The following TMEM272 variants were observed in gnomAD, a reference collection of about 807,000 sequenced individuals.
TMEM272 encodes transmembrane protein 272, also known as long intergenic non-protein coding RNA 282.
A neutral mutation model predicts 3.7 loss-of-function variants in TMEM272; 8 were observed. The observed-to-expected ratio is 2.17, with a 90% CI of 1.27 to 3.91. The LOEUF (loss-of-function observed/expected upper bound fraction) is 3.91, where lower values mean the gene tolerates loss of function less well. TMEM272 is among the 30% of genes most tolerant of loss of function. The pLI is 0.00. For missense variants in TMEM272, 166 were observed against 91.5 expected (o/e 1.81, Z -3.32); for synonymous variants, 63 against 39.8 (o/e 1.58, Z -2.20).
chr13:51,851,793 G>A, the TMEM272 span, among the ~76,000 whole-genome samples: 6 of 152,174 alleles, frequency 3.9e-5, no homozygotes, highest in Non-Finnish European at 8.8e-5. Context: ...AAAGTGCTGG[G>A]ATTACAGGCG....
the TMEM272 span, chr13:51,921,243 G>C: frequency 6.6e-6 from 1 of 152,254 alleles, no homozygotes; most frequent in Admixed American, 6.5e-5. Context: ...ACCTGGTGCA[G>C]AGCAGACGTT....
the TMEM272 span, among the ~76,000 whole-genome samples, chr13:51,928,771 G>T: frequency 1.3e-5 from 2 of 152,224 alleles, no homozygotes; most frequent in Non-Finnish European, 2.9e-5. Flanking sequence ...GCTGAAGACA[G>T]ATTTCTGTCC....
chr13:51,899,732 T>C, the TMEM272 span, among the ~76,000 whole-genome samples: 1 of 152,214 alleles, frequency 6.6e-6, no homozygotes, highest in African/African-American at 2.4e-5. Context: ...AGTTTCTCTA[T>C]TTCAGATCTT....
At chr13:51,915,172 GC>G in the TMEM272 span, among the ~76,000 whole-genome samples, 1 of 152,104 alleles carries the variant, frequency 6.6e-6, no homozygotes, top group Non-Finnish European at 1.5e-5. Flanking sequence ...GTGCTTTGGG[GC>G]TCTGATTGAC....
At chr13:51,917,142 G>A in the TMEM272 span, among the ~76,000 whole-genome samples, 1 of 152,182 alleles carries the variant, frequency 6.6e-6, no homozygotes, top group Non-Finnish European at 1.5e-5. Flanking sequence ...GTCCCACACT[G>A]CACCTGCAAA....
chr13:51,885,760 CT>C, the TMEM272 span, among the ~76,000 whole-genome samples: 7 of 152,192 alleles, frequency 4.6e-5, no homozygotes, highest in African/African-American at 1.7e-4. Flanking sequence ...AGGCACTTCC[CT>C]TTGTATATAG....
chr13:51,928,424 T>C, the TMEM272 span, among the ~76,000 whole-genome samples: 1 of 152,224 alleles, frequency 6.6e-6, no homozygotes, highest in African/African-American at 2.4e-5. Context: ...CTCATGGCAG[T>C]GCTGTGAGAC....
chr13:51,894,507 C>T, the TMEM272 span, among the ~76,000 whole-genome samples: 2 of 152,104 alleles, frequency 1.3e-5, no homozygotes, highest in African/African-American at 4.8e-5. Flanking sequence ...GGGGATGAGG[C>T]GATGGTGGTT....
the TMEM272 span, among the ~76,000 whole-genome samples, chr13:51,897,362 A>ATTTTTTTTTTTT: frequency 9.3e-4 from 77 of 82,442 alleles, 2 homozygotes; most frequent in Middle Eastern, 0.011. Context: ...TGTCTGGCTA[A>ATTTTTTTTTTTT]TTTTTTTTTT....
At chr13:51,899,866 T>C in the TMEM272 span, among the ~76,000 whole-genome samples, 31 of 152,320 alleles carry the variant, frequency 2.0e-4, no homozygotes, top group Admixed American at 1.0e-3. Context: ...TTATGGACAA[T>C]TGATTTAGAC....
chr13:51,865,536 A>G, the TMEM272 span: 1 of 1,614,250 alleles, frequency 6.2e-7, no homozygotes, highest in East Asian at 2.2e-5. Flanking sequence ...GCTTTTCGCG[A>G]AGAGATGAAA....
the TMEM272 span, among the ~76,000 whole-genome samples, chr13:51,883,261 G>A: frequency 1.3e-5 from 2 of 152,216 alleles, no homozygotes; most frequent in African/African-American, 4.8e-5. Context: ...CAGCTCTCTT[G>A]TTCTCAACTG....
the TMEM272 span, among the ~76,000 whole-genome samples, chr13:51,916,803 C>A: frequency 1.3e-5 from 2 of 152,182 alleles, no homozygotes; most frequent in Admixed American, 1.3e-4. Context: ...CACACTCTTT[C>A]CCCCTTCAAT....
chr13:51,917,405 C>T, the TMEM272 span, among the ~76,000 whole-genome samples: 1 of 152,218 alleles, frequency 6.6e-6, no homozygotes, highest in African/African-American at 2.4e-5. Context: ...GCAGGAATTC[C>T]AGAGGAAATA....
At chr13:51,919,031 C>G in the TMEM272 span, among the ~76,000 whole-genome samples, 4 of 151,926 alleles carry the variant, frequency 2.6e-5, no homozygotes, top group Admixed American at 2.6e-4. Context: ...ACCTCCTATT[C>G]CCATCTTTTC....
the TMEM272 span, among the ~76,000 whole-genome samples, chr13:51,914,118 A>C: frequency 6.6e-6 from 1 of 152,246 alleles, no homozygotes; most frequent in South Asian, 2.1e-4. Context: ...TTGAGAAAAA[A>C]GGAAGCTGAG....
chr13:51,912,305 C>T, the TMEM272 span, among the ~76,000 whole-genome samples: 1 of 152,148 alleles, frequency 6.6e-6, no homozygotes, highest in Non-Finnish European at 1.5e-5. Flanking sequence ...GACCTGTTTC[C>T]CATTCACGCT....
the TMEM272 span, among the ~76,000 whole-genome samples, chr13:51,885,493 G>A: frequency 1.3e-5 from 2 of 152,092 alleles, no homozygotes; most frequent in Non-Finnish European, 2.9e-5. Context: ...GAAGAGCATG[G>A]GGTAAACTGC....
intron 2 of TMEM272, among the ~76,000 whole-genome samples, chr13:51,829,582 G>A (rs1226058704): frequency 6.6e-6 from 1 of 152,108 alleles, no homozygotes; most frequent in Admixed American, 6.5e-5. Flanking sequence ...TCAAGGGGTC[G>A]ATGAATCCTA....
Sources: gnomAD v4.1 joint callset for allele counts (sites outside exome capture counted in the v4.1 genomes callset) on GRCh38, gnomAD v4.1.1 for gene constraint, MANE v1.5 for transcripts, NCBI Gene and HGNC (gene_info 2026-07-23, HGNC 2026-07-21) for gene names.